C10orf143: variants seen among roughly 807,000 people sequenced by gnomAD.
C10orf143 encodes the protein uncharacterized protein C10orf143.
At chr10:130,092,330 A>C (rs1861395538) in intron 1 of C10orf143, among the ~76,000 whole-genome samples, 1 of 152,210 alleles carries the variant, frequency 6.6e-6, no homozygotes, top group Admixed American at 6.5e-5. Context: ...TCATTAAGTG[A>C]AACATAAATA....
At position 130,079,605 on chromosome 10, in the gene C10orf143, GCTC is replaced by G. The variant is rs1278669728; in HGVS notation, c.255_257del (p.Arg85del). ...TACATCTTGGGCAAGGCTGGGCTGAGCTCCTTCCACCATTCTGAGAAATCTAGT... is the reference window on the plus strand; with the variant it reads ...TACATCTTGGGCAAGGCTGGGCTGAGCTTCCACCATTCTGAGAAATCTAGT... On this transcript the variant is annotated inframe_deletion, in exon 3 of 4. Coordinates refer to ENST00000637128, the MANE Select transcript of C10orf143 (RefSeq NM_001355042.2). 2.3e-5 allele frequency: 9 copies of G among 398,962 alleles called. No homozygotes were observed. The highest frequency in any genetic ancestry group is 4.0e-5 in the Non-Finnish European group (9 of 226,084). The allele number at this position is 398,962 out of a possible 1,614,324, so 24.7% of individuals were successfully genotyped here.
At chr10:130,044,226 C>A (rs537251571) in intron 3 of C10orf143, among the ~76,000 whole-genome samples, 1 of 152,086 alleles carries the variant, frequency 6.6e-6, no homozygotes, top group Non-Finnish European at 1.5e-5. Context: ...GAAGCCTTGG[C>A]GGGAAAAGTG....
chr10:130,043,324 C>A (rs1406455896), intron 3 of C10orf143, among the ~76,000 whole-genome samples: 1 of 152,090 alleles, frequency 6.6e-6, no homozygotes, highest in East Asian at 1.9e-4. Context: ...CATATTAAAG[C>A]AAATTGGAAA....
chr10:130,045,545 C>A (rs1381126550), intron 3 of C10orf143, among the ~76,000 whole-genome samples: 1 of 152,370 alleles, frequency 6.6e-6, no homozygotes, highest in East Asian at 1.9e-4. Flanking sequence ...GCCCCAAAAC[C>A]GCGAGGCGCC....
intron 1 of C10orf143, among the ~76,000 whole-genome samples, chr10:130,084,187 A>ATG (rs1861253531): frequency 6.6e-6 from 1 of 151,858 alleles, no homozygotes; most frequent in Non-Finnish European, 1.5e-5. Flanking sequence ...GGTGGCAGGC[A>ATG]CCTGTAGTCC....
intron 3 of C10orf143, among the ~76,000 whole-genome samples, chr10:130,057,820 C>A (rs2134738426): frequency 6.6e-6 from 1 of 152,306 alleles, no homozygotes; most frequent in Admixed American, 6.5e-5. Context: ...ATGTCACTAA[C>A]TCCTCAGTGA....
chr10:130,056,951 G>A lies in C10orf143; in HGVS notation c.298-20981C>T, dbSNP rs747486079. Among the ~76,000 whole-genome samples, 5 of 151,732 alleles carry A rather than the reference G, an allele frequency of 3.3e-5. No homozygotes were observed. Among genetic ancestry groups the A allele is most frequent in the African/African-American group, 7.3e-5 (3 of 41,262 alleles). The stretch of plus-strand genomic sequence containing the variant: ...TCTCCCAGGCTGGAGTAGGTGGCTC[G>A]ATCATGGCTCACTGCAGCCTTGATC... On this transcript the variant is annotated intron_variant and NMD_transcript_variant, in intron 3 of 5. Transcript: ENST00000643056. The surrounding 1 kb of genome is among the most constrained non-coding windows in gnomAD (Gnocchi z 4.6).
At chr10:130,042,398 G>A (rs4751160) in intron 3 of C10orf143, among the ~76,000 whole-genome samples, 66,612 of 152,180 alleles carry the variant, frequency 0.44, 14,777 homozygotes, top group Middle Eastern at 0.5. Flanking sequence ...TAAATATGAC[G>A]AAGTTCCTTT....
At chr10:130,060,822 CAAAAAAAAAAAA>C (rs11312813), downstream of C10orf143, among the ~76,000 whole-genome samples, 11 of 53,368 alleles carry the variant, frequency 2.1e-4, no homozygotes, top group Non-Finnish European at 3.6e-5. Context: ...GACTCCGTCT[CAAAAAAAAAAAA>C]AAAAAAAAAA....
At chr10:130,060,685 G>T (rs137896364), downstream of C10orf143, among the ~76,000 whole-genome samples, 34 of 152,000 alleles carry the variant, frequency 2.2e-4, no homozygotes, top group African/African-American at 8.0e-4. Flanking sequence ...TTAGCCGGGC[G>T]TGGTAGCGGG....
At chr10:130,042,131 C>A (rs1053313084) in intron 3 of C10orf143, among the ~76,000 whole-genome samples, 1 of 152,240 alleles carries the variant, frequency 6.6e-6, no homozygotes, top group African/African-American at 2.4e-5. Context: ...CACACACAGA[C>A]AACCCCAGGC....
At chr10:130,053,621 C>A (rs1413919769) in intron 3 of C10orf143, among the ~76,000 whole-genome samples, 1 of 152,136 alleles carries the variant, frequency 6.6e-6, no homozygotes, top group Admixed American at 6.5e-5. Context: ...CTCAAGGGGG[C>A]GAATGGCTGG....
intron 3 of C10orf143, among the ~76,000 whole-genome samples, chr10:130,054,893 A>C (rs1187886773): frequency 1.3e-5 from 2 of 152,240 alleles, no homozygotes; most frequent in Non-Finnish European, 2.9e-5. Context: ...TAGAGTCAAG[A>C]AATAAATCCA....
In C10orf143 at chr10:130,101,865, C is replaced by CAAAAAAAAAAAA. The variant is rs1267433489; in HGVS notation, c.69+8827_69+8838dup. On this transcript the variant is annotated intron_variant, in intron 1 of 3. Coordinates refer to ENST00000637128, the MANE Select transcript of C10orf143 (RefSeq NM_001355042.2). ...ACTCTGTCTCAAAAAAAAAAAAAAC[C>CAAAAAAAAAAAA]AAAAAAAAAAAAAAAAAAAACTTTT... Among the ~76,000 whole-genome samples, 22 of 47,736 alleles carry CAAAAAAAAAAAA rather than the reference C, an allele frequency of 4.6e-4. 4 individuals are homozygous for CAAAAAAAAAAAA. Among genetic ancestry groups the CAAAAAAAAAAAA allele is most frequent in the African/African-American group, 1.8e-3 (14 of 7,586 alleles). 31.3% of individuals were successfully genotyped at this position (47,736 alleles called of 152,430 possible).
At chr10:130,052,885 C>T (rs1860752166) in intron 3 of C10orf143, among the ~76,000 whole-genome samples, 2 of 152,180 alleles carry the variant, frequency 1.3e-5, no homozygotes, top group South Asian at 4.1e-4. Flanking sequence ...TTCCAAACAG[C>T]TAACTCTAGT....
intron 1 of C10orf143, among the ~76,000 whole-genome samples, chr10:130,090,999 G>C (rs1861372670): frequency 6.6e-6 from 1 of 152,210 alleles, no homozygotes; most frequent in South Asian, 2.1e-4. Context: ...AGCTTCAGCA[G>C]ACTTAAACGT....
At chr10:130,036,185 G>A (rs1471033828) in intron 3 of C10orf143, among the ~76,000 whole-genome samples, 1 of 152,202 alleles carries the variant, frequency 6.6e-6, no homozygotes, top group East Asian at 1.9e-4. Flanking sequence ...TGTTTCTCCT[G>A]TATTCTGATG....
chr10:130,062,476 C>T, downstream of C10orf143, among the ~76,000 whole-genome samples: 1 of 152,120 alleles, frequency 6.6e-6, no homozygotes, highest in Non-Finnish European at 1.5e-5. Flanking sequence ...GCTGAGTCTT[C>T]CAGGCTTCCT....
chr10:130,074,260 C>T (rs1861079038), intron 3 of C10orf143, among the ~76,000 whole-genome samples: 1 of 152,226 alleles, frequency 6.6e-6, no homozygotes, highest in Non-Finnish European at 1.5e-5. Context: ...GGGGACCTCA[C>T]TTTCCTTATC....
Sources: allele counts gnomAD v4.1 joint callset (sites outside exome capture counted in the v4.1 genomes callset), GRCh38; gene constraint gnomAD v4.1.1; non-coding constraint Gnocchi (gnomAD v3.1); transcripts MANE v1.5; gene names NCBI Gene and HGNC (gene_info 2026-07-23, HGNC 2026-07-21).